GRIA3: variants seen among roughly 807,000 people sequenced by gnomAD.
GRIA3 encodes glutamate ionotropic receptor AMPA type subunit 3.
Under a neutral mutation model 63.0 loss-of-function variants are expected in GRIA3, and 3 were observed. The ratio of observed to expected loss-of-function variants is 0.05; its 90% CI spans 0.02 to 0.12. The LOEUF is 0.12. GRIA3 is among the 10% of genes least tolerant of loss of function. The pLI, the probability that GRIA3 is intolerant of heterozygous loss-of-function variation, is 1.00. For synonymous variants in GRIA3, 274 were observed against 257.9 expected (o/e 1.06, Z -0.60); for missense variants, 347 against 700.9 (o/e 0.50, Z 5.70).
intron 3 of GRIA3, among the ~76,000 whole-genome samples, chrX:123,297,822 A>G (rs1419232713): frequency 5.4e-5 from 6 of 110,540 alleles, no homozygotes; most frequent in Non-Finnish European, 1.1e-4. Flanking sequence ...TTCCTCACCC[A>G]GATATTAAGC....
At position 123,234,041 on chromosome X, in the gene GRIA3, T is replaced by C. The variant is rs1055064197; in HGVS notation, c.269-19262T>C. Among the ~76,000 whole-genome samples the C allele has an allele frequency of 3.6e-5, 4 of 111,450 alleles. No individual in the cohort carries two copies. In the East Asian group the frequency reaches 1.1e-3, roughly 31 times the overall value. ...CCTTCCATTTGCATGGGTAACACCA[T>C]GGAGTCCTGGAAAAATAATATTAAC... On this transcript the variant is annotated intron_variant, in intron 2 of 15. Transcript: ENST00000620443.
chrX:123,418,064 G>A, intron 11 of GRIA3: 1 of 286,138 alleles, frequency 3.5e-6, no homozygotes. Flanking sequence ...ATATTATTCA[G>A]ATAAAGTAAA....
At position 123,184,454 on chromosome X, in the gene GRIA3, G is replaced by A; in HGVS notation, c.-82G>A. The A allele has an allele frequency of 1.3e-6, 1 of 759,507 alleles. No homozygotes were observed. 62.6% of individuals were successfully genotyped at this position (759,507 alleles called of 1,213,427 possible). A position where few individuals can be genotyped will look rare whatever the true frequency, so the allele number is the denominator to read the frequency against. On this transcript the variant is annotated 5_prime_UTR_variant, in exon 1 of 16. Coordinates refer to ENST00000620443, the MANE Select transcript of GRIA3 (RefSeq NM_007325.5). ...AAGGGGAGGGGGTGTAAGAGCCAGC[G>A]AATTCTTTTTCTTTTTCTATTATTA...
chrX:123,239,093 T>C (rs1419838159), intron 2 of GRIA3, among the ~76,000 whole-genome samples: 1 of 110,970 alleles, frequency 9.0e-6, no homozygotes, highest in Admixed American at 9.6e-5. Context: ...ACAGAGTGAA[T>C]ATCAGAATGT....
At chrX:123,213,754 G>A (rs1322076181) in intron 2 of GRIA3, among the ~76,000 whole-genome samples, 1 of 111,904 alleles carries the variant, frequency 8.9e-6, no homozygotes, top group Non-Finnish European at 1.9e-5. Context: ...AGCAGAGAAT[G>A]GGAACAGGTT....
intron 5 of GRIA3, among the ~76,000 whole-genome samples, chrX:123,388,502 C>A (rs1371147829): frequency 8.9e-6 from 1 of 112,052 alleles, no homozygotes; most frequent in African/African-American, 3.2e-5. Context: ...CCGCCTTGGC[C>A]TCCCAAAGTG....
chrX:123,333,726 G>C (rs774078930), intron 4 of GRIA3, among the ~76,000 whole-genome samples: 27 of 111,044 alleles, frequency 2.4e-4, no homozygotes, highest in African/African-American at 8.5e-4. Flanking sequence ...TGCATATTAA[G>C]TACTATATGT....
At chrX:123,377,127 G>A (rs946410670) in intron 5 of GRIA3, among the ~76,000 whole-genome samples, 4 of 109,427 alleles carry the variant, frequency 3.7e-5, no homozygotes, top group African/African-American at 1.0e-4. Context: ...TAGTAGAGAC[G>A]GGGTTTCACC....
chrX:123,251,754 C>T (rs1356266400), intron 2 of GRIA3, among the ~76,000 whole-genome samples: 6 of 111,766 alleles, frequency 5.4e-5, no homozygotes, highest in Non-Finnish European at 5.6e-5. Context: ...AATATAAAGA[C>T]GTTTCCTGTG....
At chrX:123,358,223 AG>A (rs1165059371) in intron 5 of GRIA3, 1 of 112,130 alleles carries the variant, frequency 8.9e-6, no homozygotes, top group African/African-American at 3.2e-5. Context: ...TATATACAAA[AG>A]AGCAAAGTCC....
rs887334945 is a variant in GRIA3, at chrX:123,487,937, G to A, written c.*3-776G>A. 6.3e-5 allele frequency among the ~76,000 whole-genome samples: 7 copies of A among 111,959 alleles called. 1 individual carries two copies. The highest frequency in any genetic ancestry group is 1.1e-4 in the Non-Finnish European group (6 of 53,236). ...CGTCATTCTTTTGGGATAAAATTCG[G>A]TGTTAGCTTAGAAGAAAAGGAAGTG... On this transcript the variant is annotated intron_variant, in intron 15 of 15. Transcript: ENST00000620443.
chrX:123,347,772 A>G (rs2045062072), intron 4 of GRIA3, among the ~76,000 whole-genome samples: 1 of 112,634 alleles, frequency 8.9e-6, no homozygotes, highest in Admixed American at 9.4e-5. Flanking sequence ...GTCTCTTTCT[A>G]GTACATCACC....
intron 10 of GRIA3, among the ~76,000 whole-genome samples, chrX:123,415,216 A>G (rs1221494324): frequency 8.9e-6 from 1 of 111,999 alleles, no homozygotes; most frequent in African/African-American, 3.2e-5. Flanking sequence ...TGGCATTTCT[A>G]ACAAGTTCCC....
At chrX:123,405,366 C>T (rs764169462) in intron 10 of GRIA3, among the ~76,000 whole-genome samples, 13 of 111,668 alleles carry the variant, frequency 1.2e-4, no homozygotes, top group Non-Finnish European at 2.4e-4. Context: ...CCCCCACCAT[C>T]GTCACCTTAA....
At chrX:123,487,856 T>C (rs916391481) in intron 15 of GRIA3, among the ~76,000 whole-genome samples, 3 of 112,360 alleles carry the variant, frequency 2.7e-5, no homozygotes, top group African/African-American at 9.7e-5. Context: ...CAGGTGCATA[T>C]TTGACATTCT....
At chrX:123,407,110 T>C (rs1013020199) in intron 10 of GRIA3, among the ~76,000 whole-genome samples, 4 of 111,682 alleles carry the variant, frequency 3.6e-5, no homozygotes, top group African/African-American at 1.3e-4. Flanking sequence ...TCTTGTAATA[T>C]CATTACTATT....
At chrX:123,443,708 C>T (rs1236671908) in intron 12 of GRIA3, among the ~76,000 whole-genome samples, 2 of 111,160 alleles carry the variant, frequency 1.8e-5, no homozygotes, top group Non-Finnish European at 3.8e-5. Context: ...GGAAACTCCC[C>T]ACAAGCACTC....
At chrX:123,379,620 GTT>G (rs369507360) in intron 5 of GRIA3, among the ~76,000 whole-genome samples, 8,624 of 67,626 alleles carry the variant, frequency 0.13, 229 homozygotes, top group Non-Finnish European at 0.14. Flanking sequence ...CTAGCAACTT[GTT>G]TTTTTTTTTT....
intron 13 of GRIA3, among the ~76,000 whole-genome samples, chrX:123,472,552 G>A (rs755173005): frequency 7.2e-5 from 8 of 111,699 alleles, no homozygotes; most frequent in Non-Finnish European, 1.3e-4. Flanking sequence ...CATTTTCCCT[G>A]AGCCCCTTCT....
Sources: gnomAD v4.1 joint callset for allele counts (sites outside exome capture counted in the v4.1 genomes callset) on GRCh38, gnomAD v4.1.1 for gene constraint, MANE v1.5 for transcripts, NCBI Gene and HGNC (gene_info 2026-07-23, HGNC 2026-07-21) for gene names.